DMTN: variants seen among roughly 807,000 people sequenced by gnomAD.
The protein encoded by DMTN is dematin actin binding protein.
A neutral mutation model predicts 59.4 loss-of-function variants in DMTN; 27 were observed. The observed-to-expected ratio is 0.45, with a 90% CI of 0.33 to 0.63. The LOEUF (loss-of-function observed/expected upper bound fraction) is 0.63. Among genes scored for constraint, DMTN ranks in the 20% least tolerant of loss-of-function variants. The pLI is 0.02. For synonymous variants in DMTN, 221 were observed against 203.7 expected (o/e 1.08, Z -0.72); for missense variants, 451 against 528.9 (o/e 0.85, Z 1.45).
At chr8:22,068,162 GC>G (rs1297461412) in intron 4 of DMTN, among the ~76,000 whole-genome samples, 4 of 152,166 alleles carry the variant, frequency 2.6e-5, no homozygotes, top group Non-Finnish European at 5.9e-5. Flanking sequence ...GTGACAGGGG[GC>G]TAGATCATGG....
chr8:22,059,424 G>A (rs576577979), intron 1 of DMTN: 1 of 152,348 alleles, frequency 6.6e-6, no homozygotes, highest in South Asian at 2.1e-4. Context: ...GGAGCCAGAG[G>A]CCCCCACACT....
intron 10 of DMTN, among the ~76,000 whole-genome samples, chr8:22,079,919 C>T (rs1238786260): frequency 2.0e-5 from 3 of 152,184 alleles, no homozygotes; most frequent in Non-Finnish European, 2.9e-5. Flanking sequence ...TCACATCAGG[C>T]ATTGGGCCCA....
chr8:22,054,120 A>T (rs1336069807), upstream of DMTN, among the ~76,000 whole-genome samples: 1 of 151,644 alleles, frequency 6.6e-6, no homozygotes, highest in East Asian at 1.9e-4. Context: ...ACACACACAC[A>T]CACAGACACA....
At chr8:22,053,877 C>T (rs1801639699), upstream of DMTN, 1 of 152,410 alleles carries the variant, frequency 6.6e-6, no homozygotes, top group South Asian at 2.1e-4. Flanking sequence ...CAACAGGCAC[C>T]TGTTGTTCAG....
Position 22,080,244 on chromosome 8 carries a change from G to A in DMTN, c.900G>A (p.Arg300=). ...LPAYGRTTLS[R]LQSTEFSPSG... Reference sequence around the variant, plus strand: ...CCTATGGCAGGACCACCCTGAGCCGGGTAAGGTCTCAGGACCAGAGATATA... The same window carrying A: ...CCTATGGCAGGACCACCCTGAGCCGAGTAAGGTCTCAGGACCAGAGATATA... Residue 300 remains arginine (R), a splice_region_variant and synonymous_variant, in exon 11 of 16, where the codon CGG becomes CGA. Transcript: ENST00000358242. 6.2e-7 allele frequency: 1 copy of A among 1,614,212 alleles called. No homozygotes were observed. The highest frequency in any genetic ancestry group is 8.5e-7 in the Non-Finnish European group (1 of 1,180,046).
intron 8 of DMTN, among the ~76,000 whole-genome samples, chr8:22,071,618 C>T (rs1251803160): frequency 1.3e-5 from 2 of 151,586 alleles, no homozygotes; most frequent in East Asian, 3.9e-4. Flanking sequence ...CTCGCTCTGT[C>T]ACCCAGGCTG....
At chr8:22,078,699 C>CT (rs1205285509) in intron 10 of DMTN, among the ~76,000 whole-genome samples, 1 of 151,636 alleles carries the variant, frequency 6.6e-6, no homozygotes, top group Non-Finnish European at 1.5e-5. Flanking sequence ...CAAGTTGAGA[C>CT]TGAGGTCCAG....
At chr8:22,072,491 G>C (rs960060128) in intron 9 of DMTN, 41 bp downstream of exon 9, 1 of 1,521,610 alleles carries the variant, frequency 6.6e-7, no homozygotes, top group Non-Finnish European at 8.9e-7. Flanking sequence ...CTGTGCAGGA[G>C]TCTCGCTCTG....
chr8:22,073,834 C>G lies in DMTN; in HGVS notation c.834C>G (p.Thr278=). 6.2e-7 allele frequency: 1 copy of G among 1,613,470 alleles called. No individual in the cohort carries two copies. Among genetic ancestry groups the G allele is most frequent in the Non-Finnish European group, 8.5e-7 (1 of 1,179,580 alleles). The change falls in exon 10 of 16, where the codon ACC becomes ACG. Residue 278 remains threonine, a splice_region_variant and synonymous_variant. Coordinates refer to ENST00000358242, the MANE Select transcript of DMTN (RefSeq NM_001387751.1). ...RSLPDRTPFH[T]SLHQGTSKSS... Reference sequence around the variant, plus strand: ...TGCCTGACCGGACACCCTTCCATACCTGTGAGTGCTGTGGAGGGGGCTCAG... The same window carrying G: ...TGCCTGACCGGACACCCTTCCATACGTGTGAGTGCTGTGGAGGGGGCTCAG...
intron 8 of DMTN, among the ~76,000 whole-genome samples, chr8:22,072,113 T>C (rs1160984191): frequency 1.3e-5 from 2 of 152,094 alleles, no homozygotes; most frequent in Non-Finnish European, 2.9e-5. Flanking sequence ...TGTTCTCAAA[T>C]TCCTGGGCTC....
intron 10 of DMTN, among the ~76,000 whole-genome samples, chr8:22,075,633 C>T (rs1216448789): frequency 6.7e-6 from 1 of 149,624 alleles, no homozygotes; most frequent in South Asian, 2.1e-4. Context: ...ATTCTCCTGC[C>T]TCAGCCTCCC....
At position 22,060,340 on chromosome 8, in the gene DMTN, G is replaced by T. The variant is rs1386178869; in HGVS notation, c.-172+3204G>T. Among the ~76,000 whole-genome samples, 1 of 152,120 alleles carries T rather than the reference G, an allele frequency of 6.6e-6. No homozygotes were observed. Among genetic ancestry groups the T allele is most frequent in the Non-Finnish European group, 1.5e-5 (1 of 68,018 alleles). On this transcript the variant is annotated intron_variant, in intron 1 of 15. Coordinates refer to ENST00000358242, the MANE Select transcript of DMTN (RefSeq NM_001387751.1). The surrounding 1 kb of genome is among the most constrained non-coding windows in gnomAD (Gnocchi z 5.0). Reference sequence around the variant, plus strand: ...TGAGCTTTGATGGAAAGGGCTACTTGTGGGTGGAGTAGGCAGGGTGTGATT... The same window carrying T: ...TGAGCTTTGATGGAAAGGGCTACTTTTGGGTGGAGTAGGCAGGGTGTGATT...
chr8:22,075,320 T>C (rs1232373730), intron 10 of DMTN, among the ~76,000 whole-genome samples: 5 of 134,514 alleles, frequency 3.7e-5, no homozygotes, highest in African/African-American at 8.5e-5. Flanking sequence ...CCCTCCCCCT[T>C]CTTCTTCTTC....
In DMTN at chr8:22,080,644, G is replaced by C; in HGVS notation, c.957+19G>C. 6.2e-7 allele frequency: 1 copy of C among 1,600,808 alleles called. No individual in the cohort carries two copies. The highest frequency in any genetic ancestry group is 2.2e-5 in the East Asian group (1 of 44,536). ...CCTGCAGGTGAGTGCCTCCTGGAGG[G>C]GAACAGGCAGAGCAGCAGAAGCTGG... On this transcript the variant is annotated intron_variant, in intron 13 of 15. Transcript: ENST00000358242.
intron 7 of DMTN, 121 bp from the exon 8 acceptor site, chr8:22,070,061 G>A (rs143166897): frequency 5.8e-6 from 9 of 1,551,394 alleles, no homozygotes; most frequent in Admixed American, 1.7e-5. Context: ...CGTGTGCCCC[G>A]TGCTCAGCGT....
At chr8:22,051,213 G>A (rs560399385), upstream of DMTN, among the ~76,000 whole-genome samples, 7 of 152,292 alleles carry the variant, frequency 4.6e-5, no homozygotes, top group South Asian at 4.1e-4. Context: ...GGCGGCAGCG[G>A]CCACCAGTGC....
intron 1 of DMTN, chr8:22,059,121 C>T (rs936024043): frequency 6.6e-6 from 1 of 150,478 alleles, no homozygotes; most frequent in African/African-American, 2.4e-5. Context: ...GCCACAGTAA[C>T]TGCGGGGGTG....
chr8:22,069,788 C>A, intron 6 of DMTN, 93 bp from the exon 7 acceptor site: 1 of 1,449,200 alleles, frequency 6.9e-7, no homozygotes, highest in Non-Finnish European at 9.7e-7. Flanking sequence ...CAGTGAGTTC[C>A]CCACCTTGTC....
At chr8:22,066,073 G>A (rs1028201996) in intron 1 of DMTN, among the ~76,000 whole-genome samples, 98 of 152,204 alleles carry the variant, frequency 6.4e-4, no homozygotes, top group Non-Finnish European at 9.4e-4. Context: ...CGAACGCCTG[G>A]GTTCAAGCAA....
Sources: allele counts gnomAD v4.1 joint callset (sites outside exome capture counted in the v4.1 genomes callset), GRCh38; gene constraint gnomAD v4.1.1; non-coding constraint Gnocchi (gnomAD v3.1); transcripts MANE v1.5; gene names NCBI Gene and HGNC (gene_info 2026-07-23, HGNC 2026-07-21).